Variants in ASIC2 observed in about 807,000 individuals in gnomAD.
ASIC2 encodes the protein acid-sensing ion channel 2.
Under a neutral mutation model 57.3 loss-of-function variants are expected in ASIC2, and 25 were observed. That is an observed-to-expected ratio of 0.44 (90% CI 0.32 to 0.61). ASIC2 has a LOEUF of 0.61. Ranked by LOEUF, ASIC2 falls within the 20% of genes least tolerant of loss-of-function variation. The pLI is 0.06. For missense variants in ASIC2, 641 were observed against 738.1 expected, an observed-to-expected ratio of 0.87 and a Z score of 1.52; for synonymous variants, 319 against 307.5, an observed-to-expected ratio of 1.04 and a Z score of -0.39.
At chr17:33,782,615 G>A (rs1911489674) in intron 1 of ASIC2, among the ~76,000 whole-genome samples, 1 of 152,088 alleles carries the variant, frequency 6.6e-6, no homozygotes, top group African/African-American at 2.4e-5. Context: ...TGTGGTCCCA[G>A]CTACTTGGGA....
chr17:34,022,141 A>G (rs373390022), intron 1 of ASIC2, among the ~76,000 whole-genome samples: 3 of 152,052 alleles, frequency 2.0e-5, no homozygotes, highest in Admixed American at 1.3e-4. Flanking sequence ...GGTGATTTTT[A>G]TGTGCAGCCA....
At chr17:33,168,889 C>G (rs967916150) in intron 1 of ASIC2, among the ~76,000 whole-genome samples, 4 of 152,104 alleles carry the variant, frequency 2.6e-5, no homozygotes, top group African/African-American at 9.7e-5. Flanking sequence ...AGTGGCCAAG[C>G]AACAGTTTGC....
At chr17:33,850,866 C>A (rs1296030376) in intron 1 of ASIC2, among the ~76,000 whole-genome samples, 1 of 151,818 alleles carries the variant, frequency 6.6e-6, no homozygotes. Context: ...TACCTGAGTC[C>A]AGAAATGCAA....
chr17:33,315,261 A>G (rs1045394284), intron 1 of ASIC2, among the ~76,000 whole-genome samples: 2 of 152,238 alleles, frequency 1.3e-5, no homozygotes, highest in Non-Finnish European at 2.9e-5. Flanking sequence ...GTGCAGAAGA[A>G]TAATGTTGCT....
At chr17:33,111,793 G>A in intron 2 of ASIC2, 124 bp downstream of exon 2, 1 of 1,371,732 alleles carries the variant, frequency 7.3e-7, no homozygotes. Context: ...CTAGCAGCAT[G>A]TCACAAACCC....
chr17:33,647,280 C>T (rs1326660993), intron 1 of ASIC2, among the ~76,000 whole-genome samples: 1 of 152,200 alleles, frequency 6.6e-6, no homozygotes, highest in Non-Finnish European at 1.5e-5. Flanking sequence ...ATCCAGCCCA[C>T]TCCTTGGCAT....
chr17:33,408,631 A>T (rs1910548367), intron 1 of ASIC2, among the ~76,000 whole-genome samples: 1 of 152,214 alleles, frequency 6.6e-6, no homozygotes, highest in Admixed American at 6.5e-5. Context: ...CCCTTTCTCC[A>T]CTGAGTAATA....
chr17:33,510,155 C>A lies in ASIC2; in HGVS notation c.556-398088G>T, dbSNP rs184074600. Among the ~76,000 whole-genome samples the A allele has an allele frequency of 4.0e-3, 608 of 152,306 alleles. 1 individual carries two copies. The highest frequency in any genetic ancestry group is 6.4e-3 in the Non-Finnish European group (436 of 68,040). On this transcript the variant is annotated intron_variant, in intron 1 of 9. Coordinates refer to the ASIC2 transcript ENST00000359872. Reference sequence around the variant, plus strand: ...CCAGCCCTGTCTCAGAACCTGAGTTCTTGTATCTGTACAGCAGGTGGGTTG... The same window carrying A: ...CCAGCCCTGTCTCAGAACCTGAGTTATTGTATCTGTACAGCAGGTGGGTTG...
At chr17:33,068,898 T>A (rs1457333296) in intron 3 of ASIC2, among the ~76,000 whole-genome samples, 1 of 151,806 alleles carries the variant, frequency 6.6e-6, no homozygotes, top group East Asian at 1.9e-4. Context: ...TTGCTCTTCT[T>A]TTTTTTTAGT....
intron 1 of ASIC2, among the ~76,000 whole-genome samples, chr17:33,569,779 G>A (rs1158056039): frequency 6.6e-6 from 1 of 152,044 alleles, no homozygotes; most frequent in Non-Finnish European, 1.5e-5. Context: ...ATTCATCCAT[G>A]AACCCTTAAT....
chr17:33,671,845 C>A (rs1449676753), intron 1 of ASIC2, among the ~76,000 whole-genome samples: 1 of 152,184 alleles, frequency 6.6e-6, no homozygotes, highest in Non-Finnish European at 1.5e-5. Flanking sequence ...TATTCTCATT[C>A]TTTAACGCTA....
chr17:33,254,402 T>C (rs1874603), intron 1 of ASIC2, among the ~76,000 whole-genome samples: 86,377 of 152,006 alleles, frequency 0.57, 25,163 homozygotes, highest in African/African-American at 0.69. Context: ...ATACTTCAGT[T>C]GGGACAAAAG....
chr17:34,005,980 C>A (rs1381860470), intron 1 of ASIC2: 2 of 152,228 alleles, frequency 1.3e-5, no homozygotes, highest in East Asian at 3.9e-4. Context: ...GTGTTAGGCA[C>A]CGGATCCATT....
chr17:33,250,719 TG>T (rs1289718486), intron 1 of ASIC2, among the ~76,000 whole-genome samples: 2 of 152,202 alleles, frequency 1.3e-5, no homozygotes, highest in African/African-American at 2.4e-5. Context: ...AAATGAAAGA[TG>T]CCCTGGTTAC....
At chr17:33,245,944 C>A (rs1165520710) in intron 1 of ASIC2, among the ~76,000 whole-genome samples, 1 of 151,628 alleles carries the variant, frequency 6.6e-6, no homozygotes, top group Non-Finnish European at 1.5e-5. Flanking sequence ...AATCCCAGCA[C>A]TTTGGGAGGC....
Position 34,065,539 on chromosome 17 carries a change from A to G in ASIC2, c.555+90439T>C, listed in dbSNP as rs567377107. Among the ~76,000 whole-genome samples the G allele has an allele frequency of 3.3e-5, 5 of 152,312 alleles. No individual in the cohort carries two copies. The East Asian group carries it at 9.6e-4, about 29-fold the overall frequency. On this transcript the variant is annotated intron_variant, in intron 1 of 9. Coordinates refer to the ASIC2 transcript ENST00000359872. ...TAAAAAAATAAAACATATTTTTTTA[A>G]AAAAGCAATTTTATCTGTTTCCAAA...
intron 1 of ASIC2, among the ~76,000 whole-genome samples, chr17:33,551,349 G>A (rs553844177): frequency 2.0e-5 from 3 of 152,246 alleles, no homozygotes; most frequent in South Asian, 2.1e-4. Flanking sequence ...AGGTCAGGAC[G>A]CTGTTAGGAC....
chr17:33,142,593 G>T (rs1012061444), intron 1 of ASIC2, among the ~76,000 whole-genome samples: 1 of 152,132 alleles, frequency 6.6e-6, no homozygotes, highest in African/African-American at 2.4e-5. Context: ...AAAGCACAAA[G>T]AACAAGTGAG....
At chr17:34,096,297 A>G (rs1031410045) in intron 1 of ASIC2, among the ~76,000 whole-genome samples, 7 of 152,198 alleles carry the variant, frequency 4.6e-5, no homozygotes, top group Admixed American at 4.6e-4. Context: ...AGGAGAAAGG[A>G]CATCAGGTAT....
Sources: gnomAD v4.1 joint callset for allele counts (sites outside exome capture counted in the v4.1 genomes callset) on GRCh38, gnomAD v4.1.1 for gene constraint, MANE v1.5 for transcripts, NCBI Gene and HGNC (gene_info 2026-07-23, HGNC 2026-07-21) for gene names.